HEPHL1: variants seen among roughly 807,000 people sequenced by gnomAD.
The protein encoded by HEPHL1 is ferroxidase HEPHL1.
In HEPHL1, 123 loss-of-function variants were observed where a neutral mutation model predicts 122.0. The observed-to-expected ratio is 1.01, with a 90% CI of 0.87 to 1.17. The LOEUF is 1.17. HEPHL1 is among the 50% of genes most tolerant of loss of function. HEPHL1 has a pLI of 0.00. For synonymous variants in HEPHL1, 527 were observed against 508.9 expected (o/e 1.04, Z -0.48); for missense variants, 1,452 against 1,430.5 (o/e 1.01, Z -0.24).
At chr11:94,085,300 T>A (rs1305273402) in intron 10 of HEPHL1, among the ~76,000 whole-genome samples, 1 of 152,146 alleles carries the variant, frequency 6.6e-6, no homozygotes, top group East Asian at 1.9e-4. Context: ...GCACAGAGGG[T>A]CTTCATATCT....
intron 4 of HEPHL1, among the ~76,000 whole-genome samples, chr11:94,067,229 C>A (rs1285643887): frequency 6.6e-6 from 1 of 152,174 alleles, no homozygotes; most frequent in African/African-American, 2.4e-5. Flanking sequence ...CCTCATATTG[C>A]GTTCCCACAG....
At chr11:94,051,473 G>A (rs11020641) in intron 2 of HEPHL1, among the ~76,000 whole-genome samples, 88,473 of 151,918 alleles carry the variant, frequency 0.58, 25,937 homozygotes, top group South Asian at 0.68. Flanking sequence ...AGCTATTCAG[G>A]TCTTTTGCCC....
chr11:94,088,584 C>G (rs1357466177), intron 11 of HEPHL1, among the ~76,000 whole-genome samples, 171 bp from the exon 12 acceptor site: 1 of 152,114 alleles, frequency 6.6e-6, no homozygotes, highest in African/African-American at 2.4e-5. Context: ...TAAATATATT[C>G]AAAGTAATCT....
At chr11:94,105,039 T>C (rs1946398109) in intron 16 of HEPHL1, among the ~76,000 whole-genome samples, 1 of 152,238 alleles carries the variant, frequency 6.6e-6, no homozygotes, top group African/African-American at 2.4e-5. Flanking sequence ...AAATCATCAT[T>C]TATTGTCATA....
intron 1 of HEPHL1, among the ~76,000 whole-genome samples, chr11:94,029,382 C>T (rs988458282): frequency 2.0e-5 from 3 of 152,150 alleles, no homozygotes; most frequent in Non-Finnish European, 2.9e-5. Flanking sequence ...TTTCCACTCA[C>T]AGCCAATTTG....
chr11:94,032,564 T>C lies in HEPHL1; in HGVS notation c.170+11026T>C, dbSNP rs536779646. Among the ~76,000 whole-genome samples the C allele has an allele frequency of 2.0e-5, 3 of 152,322 alleles. No homozygotes were observed. In the South Asian group the frequency reaches 6.2e-4, roughly 32 times the overall value. On this transcript the variant is annotated intron_variant, in intron 1 of 19. Coordinates refer to ENST00000315765, the MANE Select transcript of HEPHL1 (RefSeq NM_001098672.2). ...ATTTGTTAGCAGGTCCCAACAGTCT[T>C]TGGGAGGCATACCCAGCAAACTGAA... is the stretch of plus-strand genomic sequence containing the variant.
At chr11:94,052,476 C>T (rs1389355091) in intron 2 of HEPHL1, among the ~76,000 whole-genome samples, 1 of 152,024 alleles carries the variant, frequency 6.6e-6, no homozygotes, top group Non-Finnish European at 1.5e-5. Flanking sequence ...TTGTATCCTG[C>T]AACTTTACTA....
intron 13 of HEPHL1, among the ~76,000 whole-genome samples, chr11:94,096,626 C>T (rs1368655463): frequency 6.6e-5 from 10 of 152,022 alleles, no homozygotes; most frequent in African/African-American, 9.7e-5. Flanking sequence ...TGGTAGAATT[C>T]GGCTGTAAAT....
intron 17 of HEPHL1, among the ~76,000 whole-genome samples, chr11:94,110,224 C>A (rs944301707): frequency 2.6e-5 from 4 of 152,028 alleles, no homozygotes; most frequent in African/African-American, 4.8e-5. Flanking sequence ...GTTAGTCTGT[C>A]CAGAGATTTG....
At chr11:94,037,428 A>G (rs530589505) in intron 1 of HEPHL1, among the ~76,000 whole-genome samples, 1 of 152,120 alleles carries the variant, frequency 6.6e-6, no homozygotes, top group East Asian at 1.9e-4. Context: ...GCACAGACAA[A>G]CAAAAAGACA....
At position 94,035,641 on chromosome 11, in the gene HEPHL1, G is replaced by T. The variant is rs1017252040; in HGVS notation, c.171-10032G>T. Among the ~76,000 whole-genome samples the T allele has an allele frequency of 2.6e-5, 4 of 152,202 alleles. No individual in the cohort carries two copies. The East Asian group carries it at 5.8e-4, about 22-fold the overall frequency. Reference sequence around the variant, plus strand: ...TATATCCTGGGAGAGTTCTTAAAGGGGTCATGCGGGGTGATAGGGGCAGCC... The same window carrying T: ...TATATCCTGGGAGAGTTCTTAAAGGTGTCATGCGGGGTGATAGGGGCAGCC... On this transcript the variant is annotated intron_variant, in intron 1 of 19. Transcript: ENST00000315765.
chr11:94,103,260 ATT>A lies in HEPHL1; in HGVS notation c.2682+249_2682+250del, dbSNP rs5793671. 1.0e-4 allele frequency among the ~76,000 whole-genome samples: 6 copies of A among 58,784 alleles called. No individual in the cohort carries two copies. The South Asian group carries it at 1.5e-3, about 14-fold the overall frequency. The allele number at this position is 58,784 out of a possible 152,430, so 38.6% of individuals were successfully genotyped here. ...AGTCAAAAATATTTACTATCTGGTG[ATT>A]TTTTTTTTCCCAAAAAAAAAAAAAA... On this transcript the variant is annotated intron_variant, in intron 15 of 19. Transcript: ENST00000315765.
intron 2 of HEPHL1, among the ~76,000 whole-genome samples, chr11:94,061,107 T>C (rs1518556): frequency 7.1e-4 from 108 of 152,180 alleles, no homozygotes; most frequent in African/African-American, 2.5e-3. Flanking sequence ...TGTGGCTGAA[T>C]ATTGGTAGTG....
chr11:94,085,675 G>A (rs543799734), intron 10 of HEPHL1, among the ~76,000 whole-genome samples: 1 of 152,296 alleles, frequency 6.6e-6, no homozygotes, highest in East Asian at 1.9e-4. Flanking sequence ...TTTTCATATC[G>A]AGAGCCTTAG....
intron 13 of HEPHL1, among the ~76,000 whole-genome samples, chr11:94,098,114 T>A (rs1281667916): frequency 6.6e-6 from 1 of 152,246 alleles, no homozygotes; most frequent in Admixed American, 6.5e-5. Context: ...CTAGCATCGA[T>A]GATCTTTACA....
chr11:94,075,990 A>G (rs946994825), intron 9 of HEPHL1, among the ~76,000 whole-genome samples: 3 of 152,220 alleles, frequency 2.0e-5, no homozygotes, highest in Admixed American at 2.0e-4. Flanking sequence ...GATATTAAAC[A>G]TATTAATGAA....
chr11:94,100,485 A>C (rs1232854505), intron 13 of HEPHL1, among the ~76,000 whole-genome samples: 1 of 152,198 alleles, frequency 6.6e-6, no homozygotes, highest in Non-Finnish European at 1.5e-5. Context: ...GTTGCTTCCA[A>C]CAGAAATGCA....
intron 1 of HEPHL1, 143 bp downstream of exon 1, chr11:94,021,681 G>A (rs1945583718): frequency 6.2e-6 from 4 of 644,986 alleles, no homozygotes; most frequent in Admixed American, 2.9e-5. Context: ...TGCTTGAAGA[G>A]CCCTAGTATG....
In HEPHL1 at chr11:94,106,025, C is replaced by A. The variant is rs755579914; in HGVS notation, c.2940C>A (p.Gly980=). 2 of 1,598,214 alleles carry A rather than the reference C, an allele frequency of 1.3e-6. No homozygotes were observed. Among genetic ancestry groups the A allele is most frequent in the Non-Finnish European group, 1.7e-6 (2 of 1,169,258 alleles). The part of the protein sequence containing the change: ...INGKIFGNLH[G]LIMNEDTMTN... ...GAAAGATTTTTGGGAATCTCCATGGCCTCATAATGAACGAAGATACAATGA... is the reference window on the plus strand; with the variant it reads ...GAAAGATTTTTGGGAATCTCCATGGACTCATAATGAACGAAGATACAATGA... The change falls in exon 17 of 20, where the codon GGC becomes GGA. Residue 980 remains glycine, a synonymous_variant. Transcript: ENST00000315765.
Sources: gnomAD v4.1 joint callset for allele counts (sites outside exome capture counted in the v4.1 genomes callset) on GRCh38, gnomAD v4.1.1 for gene constraint, MANE v1.5 for transcripts, NCBI Gene and HGNC (gene_info 2026-07-23, HGNC 2026-07-21) for gene names.